NCAM2: variants seen among roughly 807,000 people sequenced by gnomAD.
NCAM2 encodes neural cell adhesion molecule 2.
In NCAM2, 30 loss-of-function variants were observed where a neutral mutation model predicts 98.1. The ratio of observed to expected loss-of-function variants is 0.31; its 90% CI spans 0.23 to 0.41. The LOEUF is 0.41. Among genes scored for constraint, NCAM2 ranks in the 10% least tolerant of loss-of-function variants. The pLI is 1.00. For synonymous variants in NCAM2, 368 were observed against 342.4 expected (o/e 1.07, Z -0.83); for missense variants, 867 against 1,005.8 (o/e 0.86, Z 1.87).
chr21:21,395,947 C>T (rs952142057), intron 9 of NCAM2, among the ~76,000 whole-genome samples: 1 of 152,058 alleles, frequency 6.6e-6, no homozygotes, highest in African/African-American at 2.4e-5. Flanking sequence ...TAGACATTGG[C>T]TTAGGCAAAA....
chr21:21,426,473 G>C (rs2077216190), intron 11 of NCAM2, among the ~76,000 whole-genome samples: 1 of 152,132 alleles, frequency 6.6e-6, no homozygotes, highest in Admixed American at 6.6e-5. Flanking sequence ...AGCTGGTTAT[G>C]AAATCACTGG....
intron 5 of NCAM2, among the ~76,000 whole-genome samples, chr21:21,312,828 C>T (rs1178362291): frequency 6.6e-6 from 1 of 151,802 alleles, no homozygotes; most frequent in Non-Finnish European, 1.5e-5. Context: ...TTAAATTCAA[C>T]AGATAAACTG....
Position 21,044,356 on chromosome 21 carries a change from C to T in NCAM2, c.55+45738C>T, listed in dbSNP as rs1054822752. ...GTGCTCAAGAGTTAATCTTCCTTTTCAAGACTGTGGAAGATCTTGAAGAGC... is the reference window on the plus strand; with the variant it reads ...GTGCTCAAGAGTTAATCTTCCTTTTTAAGACTGTGGAAGATCTTGAAGAGC... On this transcript the variant is annotated intron_variant, in intron 1 of 17. Transcript: ENST00000400546. 2.0e-5 allele frequency among the ~76,000 whole-genome samples: 3 copies of T among 152,072 alleles called. No individual in the cohort carries two copies. In the East Asian group the frequency reaches 5.8e-4, roughly 29 times the overall value.
chr21:21,296,479 A>G (rs570602477), intron 5 of NCAM2, among the ~76,000 whole-genome samples: 37 of 151,906 alleles, frequency 2.4e-4, no homozygotes, highest in African/African-American at 8.4e-4. Flanking sequence ...TTTGACAGGA[A>G]TAAGAACAAT....
At position 21,490,986 on chromosome 21, in the gene NCAM2, T is replaced by C. The variant is rs78163688; in HGVS notation, c.2077+13515T>C. ...AGAAAACTGAGGAAAAGCTTTGTTA[T>C]ACGTGTTTTCTTTATTACTGGTACA... is the stretch of plus-strand genomic sequence containing the variant. On this transcript the variant is annotated intron_variant, in intron 15 of 17. Transcript: ENST00000400546. 6.2e-4 allele frequency among the ~76,000 whole-genome samples: 94 copies of C among 152,036 alleles called. 2 individuals carry two copies. The highest frequency in any genetic ancestry group is 2.2e-3 in the African/African-American group (90 of 41,574).
intron 1 of NCAM2, among the ~76,000 whole-genome samples, chr21:21,047,689 A>G (rs1315268193): frequency 6.6e-6 from 1 of 152,210 alleles, no homozygotes; most frequent in Non-Finnish European, 1.5e-5. Context: ...TCAATACATT[A>G]TGCATTGTTT....
intron 1 of NCAM2, among the ~76,000 whole-genome samples, chr21:21,178,117 CAATT>C (rs1386541636): frequency 2.6e-5 from 4 of 151,992 alleles, no homozygotes; most frequent in African/African-American, 7.2e-5. Flanking sequence ...AGGGTATTGA[CAATT>C]AGTTACAAAA....
At chr21:21,463,196 A>G (rs1961111167) in intron 12 of NCAM2, among the ~76,000 whole-genome samples, 1 of 152,064 alleles carries the variant, frequency 6.6e-6, no homozygotes, top group South Asian at 2.1e-4. Flanking sequence ...ATGCCAGTAA[A>G]TTACAGATGA....
intron 1 of NCAM2, chr21:21,210,755 A>G: frequency 1.3e-6 from 1 of 766,260 alleles, no homozygotes; most frequent in Non-Finnish European, 1.8e-6. Flanking sequence ...TTGAAAGGCA[A>G]TGAGGTGGAG....
intron 12 of NCAM2, among the ~76,000 whole-genome samples, chr21:21,462,515 T>C (rs1020575260): frequency 6.6e-6 from 1 of 152,008 alleles, no homozygotes; most frequent in Non-Finnish European, 1.5e-5. Flanking sequence ...TTTTGTGTAG[T>C]TCCCTTTAAT....
At chr21:21,343,256 A>T (rs936606835) in intron 8 of NCAM2, among the ~76,000 whole-genome samples, 9 of 151,948 alleles carry the variant, frequency 5.9e-5, no homozygotes, top group African/African-American at 2.2e-4. Flanking sequence ...CATATAAAAC[A>T]ATCTAGAGGT....
At chr21:21,252,384 A>C (rs2071506695) in intron 1 of NCAM2, among the ~76,000 whole-genome samples, 1 of 150,152 alleles carries the variant, frequency 6.7e-6, no homozygotes, top group African/African-American at 2.4e-5. Context: ...ATGATACAAT[A>C]TATAAGATAT....
At chr21:21,417,975 T>C (rs2077027236) in intron 10 of NCAM2, among the ~76,000 whole-genome samples, 1 of 152,030 alleles carries the variant, frequency 6.6e-6, no homozygotes, top group South Asian at 2.1e-4. Flanking sequence ...ATCTGGAGAC[T>C]TTGTTGAACA....
At chr21:21,035,430 C>T (rs2064776452) in intron 1 of NCAM2, among the ~76,000 whole-genome samples, 1 of 151,914 alleles carries the variant, frequency 6.6e-6, no homozygotes, top group Non-Finnish European at 1.5e-5. Context: ...CATACTTTAC[C>T]CAATTGCTAT....
chr21:21,249,729 AGT>A lies in NCAM2; in HGVS notation c.56-30846_56-30845del, dbSNP rs532967192. Among the ~76,000 whole-genome samples, 242 of 152,278 alleles carry A rather than the reference AGT, an allele frequency of 1.6e-3. 3 individuals carry two copies. Among genetic ancestry groups the A allele is most frequent in the Non-Finnish European group, 2.3e-3 (156 of 68,006 alleles). On this transcript the variant is annotated intron_variant, in intron 1 of 17. Coordinates refer to ENST00000400546, the MANE Select transcript of NCAM2 (RefSeq NM_004540.5). ...TGTCTGTTCTTTAGGTCAATAATAG[AGT>A]GTCCCTACAAGGAACAAGAGATTTT...
At chr21:21,418,352 A>T in intron 10 of NCAM2, 121 bp from the exon 11 acceptor site, 1 of 679,450 alleles carries the variant, frequency 1.5e-6, no homozygotes. Flanking sequence ...AATTAAAAAT[A>T]TATGGTAAGG....
At chr21:21,397,619 C>T (rs2076539099) in intron 9 of NCAM2, among the ~76,000 whole-genome samples, 2 of 152,234 alleles carry the variant, frequency 1.3e-5, no homozygotes, top group South Asian at 4.1e-4. Context: ...TGGGAGCAGG[C>T]ACTTCCCAGC....
intron 10 of NCAM2, among the ~76,000 whole-genome samples, chr21:21,414,006 C>A (rs2076937584): frequency 6.6e-6 from 1 of 152,308 alleles, no homozygotes; most frequent in Admixed American, 6.5e-5. Context: ...ACCGCTTTAT[C>A]AACTAAGTTT....
At chr21:21,405,742 C>A (rs928275543) in intron 9 of NCAM2, among the ~76,000 whole-genome samples, 4 of 152,002 alleles carry the variant, frequency 2.6e-5, no homozygotes, top group African/African-American at 4.8e-5. Flanking sequence ...AAATCCAAAT[C>A]TTGTCTGTAA....
Sources: gnomAD v4.1 joint callset for allele counts (sites outside exome capture counted in the v4.1 genomes callset) on GRCh38, gnomAD v4.1.1 for gene constraint, MANE v1.5 for transcripts, NCBI Gene and HGNC (gene_info 2026-07-23, HGNC 2026-07-21) for gene names.